Variants in TRAF7 observed in about 807,000 individuals in gnomAD.
TRAF7 encodes the protein TNF receptor associated factor 7, also known as E3 ubiquitin-protein ligase TRAF7.
In TRAF7, 45 loss-of-function variants were observed where a neutral mutation model predicts 89.3. That is an observed-to-expected ratio of 0.50 (90% CI 0.40 to 0.65). TRAF7 has a LOEUF of 0.65. Ranked by LOEUF, TRAF7 falls within the 30% of genes least tolerant of loss-of-function variation. The pLI is 0.00. For missense variants in TRAF7, 677 were observed against 918.1 expected, an observed-to-expected ratio of 0.74 and a Z score of 3.39; for synonymous variants, 406 against 369.2, an observed-to-expected ratio of 1.10 and a Z score of -1.14.
rs1328707554 is a variant in TRAF7, at chr16:2,158,158, C to T, written c.-39+2300C>T. Among the ~76,000 whole-genome samples the T allele has an allele frequency of 1.3e-5, 2 of 152,080 alleles. No homozygotes were observed. The highest frequency in any genetic ancestry group is 2.9e-5 in the Non-Finnish European group (2 of 67,998). On this transcript the variant is annotated intron_variant, in intron 1 of 20. Coordinates refer to ENST00000326181, the MANE Select transcript of TRAF7 (RefSeq NM_032271.3). The surrounding 1 kb of genome is among the most constrained non-coding windows in gnomAD (Gnocchi z 4.7). ...GTCAGGGAGGGCATGTGGGGAGGGCCGAGAGCTGTTGGCTGCGTGTGTCTC... is the reference window on the plus strand; with the variant it reads ...GTCAGGGAGGGCATGTGGGGAGGGCTGAGAGCTGTTGGCTGCGTGTGTCTC...
At chr16:2,166,010 G>C in intron 3 of TRAF7, 74 bp downstream of exon 3, 1 of 1,573,430 alleles carries the variant, frequency 6.4e-7, no homozygotes. Context: ...GCTAAGGACT[G>C]AGGGACACTT....
At position 2,176,397 on chromosome 16, in the gene TRAF7, G is replaced by A. The variant is rs1249736125; in HGVS notation, c.1998+13G>A. ...TAGCACTGTGAAGGTCAGTGCCCGT[G>A]GCTCAGGCCATTCAAAGGGGCTGCA... On this transcript the variant is annotated intron_variant, in intron 20 of 20. Coordinates refer to ENST00000326181, the MANE Select transcript of TRAF7 (RefSeq NM_032271.3). 6.2e-7 allele frequency: 1 copy of A among 1,610,364 alleles called. No homozygotes were observed. Among genetic ancestry groups the A allele is most frequent in the Non-Finnish European group, 8.5e-7 (1 of 1,179,580 alleles).
At position 2,173,815 on chromosome 16, in the gene TRAF7, C is replaced by T. The variant is rs141769285; in HGVS notation, c.1114C>T (p.Leu372=). The T allele has an allele frequency of 5.6e-5, 91 of 1,610,898 alleles. No individual in the cohort carries two copies. In the African/African-American group the frequency reaches 1.0e-3, roughly 18 times the overall value. The change falls in exon 12 of 21, where the codon CTG becomes TTG. Residue 372 remains leucine, a synonymous_variant. Transcript: ENST00000326181. ...CGAGCTGTCCCACATCAACGCGCGG[C>T]TGAACATGGGCATCCTAGGCTGTGA... is the stretch of plus-strand genomic sequence containing the variant. ...NDELSHINAR[L]NMGILGSYDP... is the part of the protein sequence containing the mutation.
At position 2,176,386 on chromosome 16, in the gene TRAF7, T is replaced by C. The variant is rs1315856588; in HGVS notation, c.1998+2T>C. The stretch of plus-strand genomic sequence containing the variant: ...GGGGCTGTGGATAGCACTGTGAAGG[T>C]CAGTGCCCGTGGCTCAGGCCATTCA... On this transcript the variant is annotated splice_donor_variant, in intron 20 of 20. Transcript: ENST00000326181. LOFTEE classifies it high-confidence loss of function. 1.2e-6 allele frequency: 2 copies of C among 1,609,134 alleles called. No homozygotes were observed. Among genetic ancestry groups the C allele is most frequent in the South Asian group, 2.2e-5 (2 of 90,832 alleles).
chr16:2,175,734 G>A (rs1417347199), intron 17 of TRAF7, 100 bp from the exon 18 acceptor site: 8 of 1,588,914 alleles, frequency 5.0e-6, no homozygotes, highest in Non-Finnish European at 6.0e-6. Flanking sequence ...TCCCCTGGCT[G>A]GGTGGGTGGG....
At chr16:2,171,223 G>A in intron 5 of TRAF7, 41 bp from the exon 6 acceptor site, 1 of 1,503,008 alleles carries the variant, frequency 6.7e-7, no homozygotes, top group South Asian at 1.2e-5. Context: ...GGGGCTGAGG[G>A]TGGCCTCCCG....
intron 9 of TRAF7, among the ~76,000 whole-genome samples, 161 bp downstream of exon 9, chr16:2,172,760 G>T (rs1316381230): frequency 2.6e-5 from 4 of 152,174 alleles, no homozygotes; most frequent in South Asian, 2.1e-4. Context: ...AAACCCAGAG[G>T]GGGAGCCGAG....
At chr16:2,164,148 G>GGCC in intron 2 of TRAF7, 147 bp downstream of exon 2, 1 of 585,546 alleles carries the variant, frequency 1.7e-6, no homozygotes, top group Non-Finnish European at 2.9e-6. Flanking sequence ...TGGTGTGTGT[G>GGCC]TGTGTGTGTG....
In TRAF7 at chr16:2,170,686, T is replaced by G. The variant is rs765028644; in HGVS notation, c.304T>G (p.Ser102Ala). 3.1e-6 allele frequency: 5 copies of G among 1,608,496 alleles called. No homozygotes were observed. Among genetic ancestry groups the G allele is most frequent in the Non-Finnish European group, 3.4e-6 (4 of 1,177,932 alleles). ...CTCCCTGCACTCAGAGTCCAGCATGTCTCTGCGCTCCACATTCTCACTGCC... is the reference window on the plus strand; with the variant it reads ...CTCCCTGCACTCAGAGTCCAGCATGGCTCTGCGCTCCACATTCTCACTGCC... ...VRSLHSESSM[S>A]LRSTFSLPEE... The change falls in exon 5 of 21, where the codon TCT becomes GCT. Residue 102 changes from serine (S) to alanine (A), a missense_variant. Physicochemically the swap from Ser to Ala is moderately conservative, Grantham distance 99 (BLOSUM62 1). Transcript: ENST00000326181.
At chr16:2,165,757 T>G in intron 2 of TRAF7, 122 bp from the exon 3 acceptor site, 2 of 1,128,550 alleles carry the variant, frequency 1.8e-6, no homozygotes, top group South Asian at 1.3e-5. Flanking sequence ...GGTCGCATGG[T>G]TAAGTGTGTG....
At position 2,159,920 on chromosome 16, in the gene TRAF7, C is replaced by T. The variant is rs991979261; in HGVS notation, c.-38-3963C>T. ...GGCTGCTGCCAAGTGGGCGGGGACC[C>T]CTGACCCAGACCCCCTCCAGGTGTG... On this transcript the variant is annotated intron_variant, in intron 1 of 20. Coordinates refer to ENST00000326181, the MANE Select transcript of TRAF7 (RefSeq NM_032271.3). This position sits in a 1 kb window ranked among gnomAD's most constrained non-coding sequence, Gnocchi z 6.5. 6.6e-6 allele frequency among the ~76,000 whole-genome samples: 1 copy of T among 152,226 alleles called. No individual in the cohort carries two copies. Among genetic ancestry groups the T allele is most frequent in the African/African-American group, 2.4e-5 (1 of 41,466 alleles).
In TRAF7 at chr16:2,172,300, G is replaced by A. The variant is rs767266780; in HGVS notation, c.585G>A (p.Ala195=). 33 of 1,612,640 alleles carry A rather than the reference G, an allele frequency of 2.0e-5. No homozygotes were observed. The highest frequency in any genetic ancestry group is 2.5e-5 in the Non-Finnish European group (29 of 1,179,970). ...FIHCRHGCRV[A]GSGKPPIFEV... is the part of the protein sequence containing the mutation. Reference sequence around the variant, plus strand: ...ACTGCCGGCACGGCTGCCGGGTAGCGGGCAGCGGGAAGCCCCCCATCTTTG... The same window carrying A: ...ACTGCCGGCACGGCTGCCGGGTAGCAGGCAGCGGGAAGCCCCCCATCTTTG... Residue 195 remains alanine, a synonymous_variant, in exon 8 of 21, where the codon GCG becomes GCA. Coordinates refer to ENST00000326181, the MANE Select transcript of TRAF7 (RefSeq NM_032271.3).
In TRAF7 at chr16:2,162,689, G is replaced by C. The variant is rs2093062590; in HGVS notation, c.-38-1194G>C. On this transcript the variant is annotated intron_variant, in intron 1 of 20. Transcript: ENST00000326181. The surrounding 1 kb of genome is among the most constrained non-coding windows in gnomAD (Gnocchi z 5.0). ...GAGCAAGCTTGTTCTGAGGGCTCCT[G>C]CCTTGGGAGCTGAGCCCATGGTGTG... Among the ~76,000 whole-genome samples the C allele has an allele frequency of 6.6e-6, 1 of 152,054 alleles. No individual in the cohort carries two copies. Among genetic ancestry groups the C allele is most frequent in the African/African-American group, 2.4e-5 (1 of 41,436 alleles).
chr16:2,164,006 G>C lies in TRAF7; in HGVS notation c.81+5G>C. ...ACCCCAGACGTCACCACAGGGGTAA[G>C]GGTGTGCCCCTCTGCAAGCCCAACA... On this transcript the variant is annotated splice_donor_5th_base_variant and intron_variant, in intron 2 of 20. Coordinates refer to ENST00000326181, the MANE Select transcript of TRAF7 (RefSeq NM_032271.3). 1.2e-6 allele frequency: 2 copies of C among 1,605,422 alleles called. No individual in the cohort carries two copies. Among genetic ancestry groups the C allele is most frequent in the South Asian group, 1.1e-5 (1 of 90,388 alleles).
chr16:2,169,178 C>T (rs1169497681), intron 4 of TRAF7, among the ~76,000 whole-genome samples: 1 of 152,112 alleles, frequency 6.6e-6, no homozygotes, highest in African/African-American at 2.4e-5. Context: ...GATGGGGTTT[C>T]TCCATGTTGG....
intron 1 of TRAF7, among the ~76,000 whole-genome samples, chr16:2,157,529 C>T (rs982866708): frequency 6.6e-6 from 1 of 152,174 alleles, no homozygotes; most frequent in Non-Finnish European, 1.5e-5. Context: ...CTGTGTCCCC[C>T]ACAAGGCTCC....
At chr16:2,166,327 T>C (rs151092699) in intron 3 of TRAF7, among the ~76,000 whole-genome samples, 55 of 152,250 alleles carry the variant, frequency 3.6e-4, no homozygotes, top group African/African-American at 1.2e-3. Flanking sequence ...GGTCTTCTCT[T>C]GAGTTTGGCC....
intron 7 of TRAF7, 38 bp downstream of exon 7, chr16:2,171,643 T>C (rs1178568176): frequency 6.2e-7 from 1 of 1,612,692 alleles, no homozygotes; most frequent in African/African-American, 1.3e-5. Flanking sequence ...ACGCCGACCG[T>C]GCCCATGGCT....
chr16:2,172,140 G>C (rs1435180058), intron 7 of TRAF7, 51 bp from the exon 8 acceptor site: 4 of 1,606,768 alleles, frequency 2.5e-6, no homozygotes, highest in Non-Finnish European at 3.4e-6. Context: ...ACCCGGGTGA[G>C]GGAGCGTGTG....
Sources: allele counts gnomAD v4.1 joint callset (sites outside exome capture counted in the v4.1 genomes callset), GRCh38; gene constraint gnomAD v4.1.1; non-coding constraint Gnocchi (gnomAD v3.1); transcripts MANE v1.5; gene names NCBI Gene and HGNC (gene_info 2026-07-23, HGNC 2026-07-21).